Variants in FHDC1 observed in about 807,000 individuals in gnomAD.
The protein encoded by FHDC1 is FH2 domain-containing protein 1.
In FHDC1, 25 loss-of-function variants were observed where a neutral mutation model predicts 52.6. That is an observed-to-expected ratio of 0.48 (90% CI 0.35 to 0.66). FHDC1 has a LOEUF of 0.66. FHDC1 is among the 30% of genes least tolerant of loss of function. The pLI is 0.01. For missense variants in FHDC1, 1,459 were observed against 1,452.8 expected (o/e 1.00, Z -0.07); for synonymous variants, 616 against 581.5 (o/e 1.06, Z -0.85).
intron 2 of FHDC1, among the ~76,000 whole-genome samples, chr4:152,944,631 G>GC (rs1181234030): frequency 6.6e-6 from 1 of 152,138 alleles, no homozygotes; most frequent in Non-Finnish European, 1.5e-5. Context: ...TCACTGGGGG[G>GC]CCCTTAAAGC....
At chr4:152,919,860 A>C in the FHDC1 span, among the ~76,000 whole-genome samples, 27 of 151,288 alleles carry the variant, frequency 1.8e-4, no homozygotes, top group Middle Eastern at 6.8e-3. Flanking sequence ...ACTGGGTTGC[A>C]TGGGTGTTTC....
intron 2 of FHDC1, among the ~76,000 whole-genome samples, chr4:152,944,504 TA>T (rs1253158585): frequency 3.7e-4 from 56 of 152,286 alleles, no homozygotes; most frequent in Non-Finnish European, 2.9e-5. Flanking sequence ...GTTGATTAGA[TA>T]AGAGAGTAGG....
intron 10 of FHDC1, among the ~76,000 whole-genome samples, chr4:152,969,432 C>T (rs750634635): frequency 6.6e-6 from 1 of 152,158 alleles, no homozygotes; most frequent in Admixed American, 6.5e-5. Flanking sequence ...AAATACTGAA[C>T]AGTAAACGAA....
chr4:152,927,247 T>A, the FHDC1 span, among the ~76,000 whole-genome samples: 3 of 152,266 alleles, frequency 2.0e-5, no homozygotes, highest in South Asian at 4.1e-4. Flanking sequence ...CTCAGCCAAG[T>A]ATCCTATTGG....
the FHDC1 span, among the ~76,000 whole-genome samples, chr4:152,913,827 T>C: frequency 6.6e-6 from 1 of 152,138 alleles, no homozygotes; most frequent in African/African-American, 2.4e-5. Context: ...ATTACAGGCA[T>C]GCGCCACCAC....
Position 152,975,521 on chromosome 4 carries a change from G to A in FHDC1, c.2230G>A (p.Ala744Thr), listed in dbSNP as rs777152132. ...CAGCCCAGCGCTGGAGGATGGCAAGGCTGCCCCCGATGAGCCTGGAAGTGC... is the reference window on the plus strand; with the variant it reads ...CAGCCCAGCGCTGGAGGATGGCAAGACTGCCCCCGATGAGCCTGGAAGTGC... ...SLSPALEDGK[A>T]APDEPGSAAL... Residue 744 changes from alanine to threonine, a missense_variant, in exon 12 of 12, where the codon GCT becomes ACT. By Grantham distance (58) the Ala-to-Thr change is moderately conservative. Around this residue, in one of 3 missense-constraint regions of FHDC1, gnomAD observed 939 missense variants for 854.5 expected, o/e 1.10. Transcript: ENST00000511601. 3 of 1,613,524 alleles carry A rather than the reference G, an allele frequency of 1.9e-6. No homozygotes were observed. In the South Asian group the frequency reaches 3.3e-5, roughly 18 times the overall value.
rs189300437 is a variant in FHDC1, at chr4:152,955,051, A to T, written c.663+732A>T. 7.2e-5 allele frequency among the ~76,000 whole-genome samples: 11 copies of T among 152,272 alleles called. No individual in the cohort carries two copies. In the East Asian group the frequency reaches 2.1e-3, roughly 29 times the overall value. On this transcript the variant is annotated intron_variant, in intron 4 of 11. Coordinates refer to ENST00000511601, the MANE Select transcript of FHDC1 (RefSeq NM_001371116.1). ...AGGATTCCTTTTCTATCATCTAAAC[A>T]TGACCTTTGCATAGTATAAACCCAG...
intron 2 of FHDC1, 146 bp downstream of exon 2, chr4:152,943,701 T>C (rs1739646539): frequency 6.1e-6 from 6 of 978,050 alleles, no homozygotes; most frequent in African/African-American, 3.3e-5. Context: ...AGGCAGGGTC[T>C]TTACGATGAG....
At chr4:152,960,045 G>T (rs537103472) in intron 4 of FHDC1, among the ~76,000 whole-genome samples, 3 of 152,346 alleles carry the variant, frequency 2.0e-5, no homozygotes, top group Non-Finnish European at 2.9e-5. Context: ...TATTGTATGT[G>T]AAGTGGGATT....
At chr4:152,957,000 G>A (rs963410813) in intron 4 of FHDC1, among the ~76,000 whole-genome samples, 2 of 152,184 alleles carry the variant, frequency 1.3e-5, no homozygotes, top group African/African-American at 2.4e-5. Context: ...CCCACTGTAA[G>A]GACAAACTTT....
intron 2 of FHDC1, 66 bp from the exon 3 acceptor site, chr4:152,953,433 A>C: frequency 7.6e-7 from 1 of 1,320,540 alleles, no homozygotes; most frequent in Admixed American, 1.8e-5. Context: ...GGTTTTAATT[A>C]TCTTCTTTCT....
Position 152,964,971 on chromosome 4 carries a change from G to C in FHDC1, c.1096G>C (p.Ala366Pro). ...AAAATTGCATCATGTTCAGAAGACT[G>C]CTAGGTGAGCAAGTGAATTGTGAGA... Reference protein sequence around the residue: ...SEKLHHVQKTARLSLENTEAE... With the variant: ...SEKLHHVQKTPRLSLENTEAE... The change falls in exon 9 of 12, where the codon GCT becomes CCT. Residue 366 changes from alanine (A) to proline (P), a missense_variant. By Grantham distance (27) the Ala-to-Pro change is conservative. Around this residue, in one of 3 missense-constraint regions of FHDC1, gnomAD observed 513 missense variants for 581.5 expected, o/e 0.88. Coordinates refer to ENST00000511601, the MANE Select transcript of FHDC1 (RefSeq NM_001371116.1). The C allele has an allele frequency of 6.2e-7, 1 of 1,608,482 alleles. No homozygotes were observed.
chr4:152,940,605 C>A (rs896718960), intron 1 of FHDC1, among the ~76,000 whole-genome samples: 1 of 152,244 alleles, frequency 6.6e-6, no homozygotes, highest in Middle Eastern at 3.4e-3. Flanking sequence ...GGTTTAGTGG[C>A]GCATCTGTCC....
At chr4:152,964,403 C>T (rs1302722666) in intron 8 of FHDC1, among the ~76,000 whole-genome samples, 5 of 152,230 alleles carry the variant, frequency 3.3e-5, no homozygotes. Flanking sequence ...CTCTGGGTAA[C>T]TTGGTCTCTG....
intron 1 of FHDC1, among the ~76,000 whole-genome samples, chr4:152,938,319 G>T (rs115181814): frequency 0.016 from 2,465 of 151,916 alleles, 66 homozygotes; most frequent in African/African-American, 0.055. Flanking sequence ...TTGTGCTGCA[G>T]ATTGAAGGCG....
At position 152,976,454 on chromosome 4, in the gene FHDC1, G is replaced by T. The variant is rs893492416; in HGVS notation, c.3163G>T (p.Ala1055Ser). 1.2e-6 allele frequency: 2 copies of T among 1,613,678 alleles called. No individual in the cohort carries two copies. Among genetic ancestry groups the T allele is most frequent in the Non-Finnish European group, 1.7e-6 (2 of 1,180,040 alleles). The change falls in exon 12 of 12, where the codon GCC becomes TCC. Residue 1055 changes from alanine (A) to serine (S), a missense_variant. By Grantham distance (99) the Ala-to-Ser change is moderately conservative. Transcript: ENST00000511601. ...RSMRTDLPPVAKAPGITRTVS... is the reference protein window; with the variant it reads ...RSMRTDLPPVSKAPGITRTVS... ...CATGAGAACAGATCTTCCTCCCGTG[G>T]CCAAAGCCCCCGGCATCACTCGGAC...
chr4:152,962,944 T>G (rs1303799312), intron 7 of FHDC1, 60 bp downstream of exon 7: 1 of 1,044,698 alleles, frequency 9.6e-7, no homozygotes, highest in Non-Finnish European at 1.4e-6. Flanking sequence ...TCTAAAGGTG[T>G]GTGTGTGTGT....
In FHDC1 at chr4:152,976,234, C is replaced by A. The variant is rs749594434; in HGVS notation, c.2943C>A (p.Phe981Leu). The change falls in exon 12 of 12, where the codon TTC (phenylalanine) becomes TTA (leucine). Residue 981 changes from phenylalanine (F) to leucine (L), a missense_variant. Coordinates refer to ENST00000511601, the MANE Select transcript of FHDC1 (RefSeq NM_001371116.1). ...TTCCCCTGCAGCCCAGGGGTTCTTT[C>A]AAGAAGCCCAGTGCCAAACCACTCA... ...RDVPLQPRGS[F>L]KKPSAKPLRN... 2.5e-6 allele frequency: 4 copies of A among 1,613,062 alleles called. No homozygotes were observed.
the FHDC1 span, among the ~76,000 whole-genome samples, chr4:152,918,704 G>C: frequency 2.0e-5 from 3 of 152,198 alleles, no homozygotes; most frequent in Non-Finnish European, 4.4e-5. Flanking sequence ...GTTGCTCTGG[G>C]TGGAGCATCA....
Sources: allele counts gnomAD v4.1 joint callset (sites outside exome capture counted in the v4.1 genomes callset), GRCh38; gene constraint gnomAD v4.1.1; regional missense constraint gnomAD v4.1.1; transcripts MANE v1.5; gene names NCBI Gene and HGNC (gene_info 2026-07-23, HGNC 2026-07-21).